The following ARIH1 variants were observed in gnomAD, a reference collection of about 807,000 sequenced individuals.
ARIH1 encodes ariadne RBR E3 ubiquitin protein ligase 1.
Under a neutral mutation model 85.0 loss-of-function variants are expected in ARIH1, and 8 were observed. That is an observed-to-expected ratio of 0.09 (90% CI 0.06 to 0.17). The LOEUF is 0.17. ARIH1 is among the 10% of genes least tolerant of loss of function. The probability of loss-of-function intolerance (pLI) is 1.00; values close to 1 mark genes in which losing one functional copy is unlikely to be tolerated. For missense variants in ARIH1, 311 were observed against 718.1 expected (o/e 0.43, Z 6.48); for synonymous variants, 238 against 253.6 (o/e 0.94, Z 0.59).
intron 2 of ARIH1, among the ~76,000 whole-genome samples, chr15:72,543,180 C>A (rs1056006580): frequency 6.6e-6 from 1 of 151,908 alleles, no homozygotes; most frequent in African/African-American, 2.4e-5. Flanking sequence ...AGTGATCCAC[C>A]CACCTCAGCA....
Position 72,590,375 on chromosome 15 carries a change from G to A in ARIH1, c.*7083G>A, listed in dbSNP as rs1181470478. 6.6e-6 allele frequency: 1 copy of A among 152,162 alleles called. No individual in the cohort carries two copies. Among genetic ancestry groups the A allele is most frequent in the Non-Finnish European group, 1.5e-5 (1 of 68,034 alleles). The allele number at this position is 152,162 out of a possible 1,614,324, so 9.4% of individuals were successfully genotyped here. ...GTCCTGGAAACTTAATTCTTATCTT[G>A]GCTCATCTCTTCAAAACAGATGCCT... On this transcript the variant is annotated 3_prime_UTR_variant, in exon 14 of 14. Transcript: ENST00000379887.
chr15:72,522,935 C>T (rs767604118), intron 2 of ARIH1, among the ~76,000 whole-genome samples: 3 of 152,164 alleles, frequency 2.0e-5, no homozygotes, highest in African/African-American at 4.8e-5. Context: ...ATTAAAACAA[C>T]ATTGAGATAC....
At chr15:72,572,057 C>G (rs771407414) in intron 10 of ARIH1, 51 bp from the exon 11 acceptor site, 3 of 1,282,666 alleles carry the variant, frequency 2.3e-6, no homozygotes, top group Non-Finnish European at 3.3e-6. Flanking sequence ...TTTTTTTTTC[C>G]TTTTCATTGA....
intron 3 of ARIH1, among the ~76,000 whole-genome samples, chr15:72,547,607 C>T (rs1358382997): frequency 6.6e-6 from 1 of 152,158 alleles, no homozygotes; most frequent in Non-Finnish European, 1.5e-5. Flanking sequence ...TGTATCATTT[C>T]TCTTACCTTA....
chr15:72,561,567 C>G lies in ARIH1; in HGVS notation c.804+18C>G. On this transcript the variant is annotated intron_variant, in intron 6 of 13. Transcript: ENST00000379887. ...TTGTAGAGGTAAGTGATTTGTTTTC[C>G]TTCTTGTAAGAAGGAATTCTGTTTA... is the stretch of plus-strand genomic sequence containing the variant. 8 of 1,437,694 alleles carry G rather than the reference C, an allele frequency of 5.6e-6. No homozygotes were observed. The highest frequency in any genetic ancestry group is 6.7e-6 in the Non-Finnish European group (7 of 1,045,222). 89.1% of individuals were successfully genotyped at this position (1,437,694 alleles called of 1,614,324 possible). A position where few individuals can be genotyped will look rare whatever the true frequency, so the allele number is the denominator to read the frequency against.
chr15:72,526,800 T>C (rs1243431252), intron 2 of ARIH1, among the ~76,000 whole-genome samples: 1 of 152,006 alleles, frequency 6.6e-6, no homozygotes, highest in Non-Finnish European at 1.5e-5. Flanking sequence ...TGGTCTTTTC[T>C]TTTATCCATT....
intron 2 of ARIH1, among the ~76,000 whole-genome samples, chr15:72,542,563 G>T (rs1200638127): frequency 6.6e-6 from 1 of 152,102 alleles, no homozygotes; most frequent in Non-Finnish European, 1.5e-5. Flanking sequence ...ATATATTATA[G>T]TAAATAACTA....
intron 1 of ARIH1, among the ~76,000 whole-genome samples, chr15:72,489,934 A>T (rs1454116392): frequency 2.0e-5 from 3 of 152,196 alleles, no homozygotes. Context: ...GTGGATAAGT[A>T]GAGTCTTGTT....
At chr15:72,502,157 C>T (rs998172891) in intron 1 of ARIH1, among the ~76,000 whole-genome samples, 8 of 151,936 alleles carry the variant, frequency 5.3e-5, no homozygotes, top group African/African-American at 1.9e-4. Context: ...TTTGGTTTGC[C>T]GCTGAATTTT....
Position 72,474,505 on chromosome 15 carries a change from G to A in ARIH1, c.-135G>A. ...AAACGCCAACCGCCGCTCCTGGGGA[G>A]GAGCCGCGGCTCGCGGGGCCGGAGC... On this transcript the variant is annotated 5_prime_UTR_variant, in exon 1 of 14. Coordinates refer to ENST00000379887, the MANE Select transcript of ARIH1 (RefSeq NM_005744.5). The A allele has an allele frequency of 8.4e-7, 1 of 1,196,024 alleles. No individual in the cohort carries two copies. The highest frequency in any genetic ancestry group is 1.1e-6 in the Non-Finnish European group (1 of 901,114). The allele number at this position is 1,196,024 out of a possible 1,614,324, so 74.1% of individuals were successfully genotyped here. A position where few individuals can be genotyped will look rare whatever the true frequency, so the allele number is the denominator to read the frequency against.
intron 11 of ARIH1, 71 bp downstream of exon 11, chr15:72,572,236 AATTT>A: frequency 9.9e-7 from 1 of 1,013,810 alleles, no homozygotes; most frequent in South Asian, 1.5e-5. Flanking sequence ...ATTAGAGAAT[AATTT>A]TTTTTTTTTT....
At chr15:72,498,707 G>A (rs2063890151) in intron 1 of ARIH1, among the ~76,000 whole-genome samples, 1 of 152,018 alleles carries the variant, frequency 6.6e-6, no homozygotes, top group South Asian at 2.1e-4. Flanking sequence ...GGGTGTGGTG[G>A]TGCATGCCTG....
rs1444800282 is a variant in ARIH1, at chr15:72,585,125, A to G, written c.*1833A>G. 6.6e-6 allele frequency: 1 copy of G among 152,066 alleles called. No individual in the cohort carries two copies. The highest frequency in any genetic ancestry group is 1.5e-5 in the Non-Finnish European group (1 of 68,022). The allele number at this position is 152,066 out of a possible 1,614,324, so 9.4% of individuals were successfully genotyped here. A position where few individuals can be genotyped will look rare whatever the true frequency, so the allele number is the denominator to read the frequency against. ...ATCAACCCTACTTTTCCTTTTAGAA[A>G]AGGTTGTTACAGGAGATTTACTGGC... On this transcript the variant is annotated 3_prime_UTR_variant, in exon 14 of 14. Coordinates refer to ENST00000379887, the MANE Select transcript of ARIH1 (RefSeq NM_005744.5).
chr15:72,474,447 T>C lies in ARIH1; in HGVS notation c.-193T>C, dbSNP rs2140386175. The C allele has an allele frequency of 1.5e-6, 1 of 684,090 alleles. No homozygotes were observed. The highest frequency in any genetic ancestry group is 2.3e-6 in the Non-Finnish European group (1 of 431,262). The allele number at this position is 684,090 out of a possible 1,614,324, so 42.4% of individuals were successfully genotyped here. A position where few individuals can be genotyped will look rare whatever the true frequency, so the allele number is the denominator to read the frequency against. On this transcript the variant is annotated 5_prime_UTR_variant, in exon 1 of 14. Coordinates refer to ENST00000379887, the MANE Select transcript of ARIH1 (RefSeq NM_005744.5). Reference sequence around the variant, plus strand: ...GCGGCCCCCTCGCTCCCTCCCTCCCTCCTCCGCGCCCTCCCCGCCGCCACC... The same window carrying C: ...GCGGCCCCCTCGCTCCCTCCCTCCCCCCTCCGCGCCCTCCCCGCCGCCACC...
chr15:72,494,254 A>G (rs2063870939), intron 1 of ARIH1, among the ~76,000 whole-genome samples: 1 of 152,214 alleles, frequency 6.6e-6, no homozygotes, highest in African/African-American at 2.4e-5. Flanking sequence ...CTCTTTAAGA[A>G]ATAATGTATA....
intron 1 of ARIH1, among the ~76,000 whole-genome samples, chr15:72,503,821 G>C (rs768746622): frequency 5.3e-5 from 8 of 152,230 alleles, no homozygotes; most frequent in Non-Finnish European, 1.5e-5. Context: ...GTGAATGCGG[G>C]ATCTGGCTGG....
At chr15:72,477,228 C>T (rs562839210) in intron 1 of ARIH1, among the ~76,000 whole-genome samples, 2 of 152,206 alleles carry the variant, frequency 1.3e-5, no homozygotes, top group Admixed American at 6.5e-5. Context: ...AATTGCCCCT[C>T]GCTTTTTGCT....
chr15:72,512,703 G>A (rs2140407866), intron 1 of ARIH1, among the ~76,000 whole-genome samples: 1 of 151,078 alleles, frequency 6.6e-6, no homozygotes, highest in South Asian at 2.1e-4. Flanking sequence ...ACTTTGATAT[G>A]TTGTATTTTC....
chr15:72,481,906 G>A (rs572762632), intron 1 of ARIH1, among the ~76,000 whole-genome samples: 8 of 151,948 alleles, frequency 5.3e-5, no homozygotes, highest in African/African-American at 1.9e-4. Context: ...GCGCCATCTC[G>A]GCTCACTGCA....
Sources: allele counts gnomAD v4.1 joint callset (sites outside exome capture counted in the v4.1 genomes callset), GRCh38; gene constraint gnomAD v4.1.1; transcripts MANE v1.5; gene names NCBI Gene and HGNC (gene_info 2026-07-23, HGNC 2026-07-21).